Variants in OCLN observed in about 807,000 individuals in gnomAD.
OCLN encodes occludin, also known as phosphatase 1, regulatory subunit 115.
OCLN carries 21 observed loss-of-function variants against 47.9 expected under a neutral mutation model. The ratio of observed to expected loss-of-function variants is 0.44; its 90% CI spans 0.31 to 0.63. The LOEUF (loss-of-function observed/expected upper bound fraction) is 0.63, where lower values mean the gene tolerates loss of function less well. OCLN is among the 30% of genes least tolerant of loss of function. The pLI is 0.08. For synonymous variants in OCLN, 117 were observed against 198.4 expected (o/e 0.59, Z 3.45); for missense variants, 360 against 571.0 (o/e 0.63, Z 3.77).
At chr5:69,526,939 A>G (rs1028684732) in intron 4 of OCLN, among the ~76,000 whole-genome samples, 1 of 152,194 alleles carries the variant, frequency 6.6e-6, no homozygotes, top group African/African-American at 2.4e-5. Flanking sequence ...TTTGGGGTGG[A>G]GACTTAACAT....
rs1769927547 is a variant in OCLN, at chr5:69,554,714, G to A, written c.*1043G>A. On this transcript the variant is annotated 3_prime_UTR_variant, in exon 9 of 9. Transcript: ENST00000396442. ...CCTTTGGCTGTAAGAATGCTGATAT[G>A]TCTGGGAATAGAATGCTATACCACG... 6.6e-6 allele frequency: 1 copy of A among 151,734 alleles called. No homozygotes were observed. Among genetic ancestry groups the A allele is most frequent in the African/African-American group, 2.4e-5 (1 of 41,270 alleles). The allele number at this position is 151,734 out of a possible 1,614,324, so 9.4% of individuals were successfully genotyped here. A position where few individuals can be genotyped will look rare whatever the true frequency, so the allele number is the denominator to read the frequency against.
chr5:69,549,718 CTT>C (rs1769810062), intron 7 of OCLN, among the ~76,000 whole-genome samples: 1 of 151,284 alleles, frequency 6.6e-6, no homozygotes, highest in South Asian at 2.1e-4. Flanking sequence ...AGATTAATCT[CTT>C]CTTGTTTATT....
At chr5:69,525,191 A>C (rs931893516) in intron 4 of OCLN, among the ~76,000 whole-genome samples, 1 of 146,206 alleles carries the variant, frequency 6.8e-6, no homozygotes, top group Non-Finnish European at 1.5e-5. Context: ...TGCGAGCTCC[A>C]CCTCCCGGGT....
At chr5:69,514,888 G>C (rs1768885554) in intron 4 of OCLN, among the ~76,000 whole-genome samples, 1 of 152,226 alleles carries the variant, frequency 6.6e-6, no homozygotes, top group Non-Finnish European at 1.5e-5. Flanking sequence ...ATTTTTCTTA[G>C]TACAGAACAA....
intron 1 of OCLN, among the ~76,000 whole-genome samples, chr5:69,502,049 A>AT (rs1343212717): frequency 7.9e-5 from 12 of 152,184 alleles, no homozygotes; most frequent in African/African-American, 2.9e-4. Flanking sequence ...AATACAAACA[A>AT]TTAGCCGGGC....
chr5:69,496,256 G>A (rs1768286263), intron 1 of OCLN, among the ~76,000 whole-genome samples: 1 of 152,016 alleles, frequency 6.6e-6, no homozygotes, highest in Non-Finnish European at 1.5e-5. Flanking sequence ...CTGCCACCAT[G>A]CCCAGCTAAT....
intron 4 of OCLN, among the ~76,000 whole-genome samples, chr5:69,526,931 T>G (rs1364230125): frequency 6.6e-6 from 1 of 152,178 alleles, no homozygotes; most frequent in African/African-American, 2.4e-5. Flanking sequence ...ATGTTCACTT[T>G]GGGGTGGAGA....
chr5:69,514,219 C>A, intron 4 of OCLN, 110 bp downstream of exon 4: 1 of 1,011,636 alleles, frequency 9.9e-7, no homozygotes, highest in Non-Finnish European at 1.5e-6. Flanking sequence ...GTATATGTTG[C>A]AAAGGTTGTT....
intron 2 of OCLN, among the ~76,000 whole-genome samples, chr5:69,506,681 G>A (rs1269486663): frequency 1.3e-5 from 2 of 152,142 alleles, no homozygotes; most frequent in African/African-American, 4.8e-5. Flanking sequence ...AAAGATTTTA[G>A]GAGTTGTATG....
intron 3 of OCLN, among the ~76,000 whole-genome samples, chr5:69,510,859 T>G (rs926325724): frequency 1.3e-5 from 2 of 152,204 alleles, no homozygotes; most frequent in African/African-American, 4.8e-5. Flanking sequence ...CATTTTACAT[T>G]CACATCAGAA....
intron 4 of OCLN, among the ~76,000 whole-genome samples, chr5:69,522,940 C>T (rs577350969): frequency 3.1e-4 from 40 of 128,666 alleles, no homozygotes; most frequent in Admixed American, 9.0e-4. Context: ...GTCGCCCAGG[C>T]TATTCTTGAA....
chr5:69,520,895 T>C (rs989004659), intron 4 of OCLN, among the ~76,000 whole-genome samples: 5 of 152,216 alleles, frequency 3.3e-5, no homozygotes, highest in African/African-American at 1.2e-4. Flanking sequence ...TCACCCAGGC[T>C]GGAGTGCAAT....
At chr5:69,495,069 A>G (rs1380900137) in intron 1 of OCLN, among the ~76,000 whole-genome samples, 1 of 152,194 alleles carries the variant, frequency 6.6e-6, no homozygotes, top group African/African-American at 2.4e-5. Flanking sequence ...CCTTTTCAAA[A>G]TAGTATATTA....
chr5:69,495,905 CT>C (rs1233656576), intron 1 of OCLN, among the ~76,000 whole-genome samples: 1 of 152,134 alleles, frequency 6.6e-6, no homozygotes, highest in Non-Finnish European at 1.5e-5. Flanking sequence ...GATCAATGTC[CT>C]TTTTGGATTG....
In OCLN at chr5:69,553,833, C is replaced by A. The variant is rs910456392; in HGVS notation, c.*162C>A. ...ATCAGTATTGAAGCATTTTATAAAT[C>A]GCTTTTGATAATCAACTGGGCTGAA... On this transcript the variant is annotated 3_prime_UTR_variant, in exon 9 of 9. Coordinates refer to ENST00000396442, the MANE Select transcript of OCLN (RefSeq NM_001205254.2). The A allele has an allele frequency of 4.1e-6, 4 of 978,368 alleles. No homozygotes were observed. Among genetic ancestry groups the A allele is most frequent in the Non-Finnish European group, 6.1e-6 (4 of 656,194 alleles). The allele number at this position is 978,368 out of a possible 1,614,324, so 60.6% of individuals were successfully genotyped here. A position where few individuals can be genotyped will look rare whatever the true frequency, so the allele number is the denominator to read the frequency against.
At chr5:69,500,913 G>A (rs148382323) in intron 1 of OCLN, among the ~76,000 whole-genome samples, 527 of 151,960 alleles carry the variant, frequency 3.5e-3, no homozygotes, top group Non-Finnish European at 5.9e-3. Flanking sequence ...CTTAACTTCA[G>A]ATTTTCTGTT....
intron 1 of OCLN, among the ~76,000 whole-genome samples, chr5:69,494,792 G>T (rs1383055389): frequency 6.6e-6 from 1 of 152,168 alleles, no homozygotes; most frequent in Non-Finnish European, 1.5e-5. Context: ...ACTCTAAAAG[G>T]CAGGCCTTAG....
At chr5:69,516,173 C>A (rs1442135484) in intron 4 of OCLN, among the ~76,000 whole-genome samples, 3 of 151,818 alleles carry the variant, frequency 2.0e-5, no homozygotes. Context: ...TGTAGCGAGC[C>A]GAGATCACGC....
Position 69,509,603 on chromosome 5 carries a change from C to A in OCLN, c.513C>A (p.Tyr171Ter), listed in dbSNP as rs1390469424. ...CTGAAATGTCCAGAACAAGAAGATA[C>A]TACTTAAGTGTGATAATAGTGAGTG... is the stretch of plus-strand genomic sequence containing the variant. Reference protein sequence around the residue: ...IRSEMSRTRRYYLSVIIVSAI... With the variant: ...IRSEMSRTRR The change falls in exon 3 of 9, where the codon TAC becomes TAA. Residue 171 changes from tyrosine (Y) to a stop codon, truncating the protein, a stop_gained. Coordinates refer to ENST00000396442, the MANE Select transcript of OCLN (RefSeq NM_001205254.2). LOFTEE classifies it high-confidence loss of function. The A allele has an allele frequency of 6.2e-7, 1 of 1,614,162 alleles. No individual in the cohort carries two copies. Among genetic ancestry groups the A allele is most frequent in the Non-Finnish European group, 8.5e-7 (1 of 1,180,000 alleles).
Sources: allele counts gnomAD v4.1 joint callset (sites outside exome capture counted in the v4.1 genomes callset), GRCh38; gene constraint gnomAD v4.1.1; transcripts MANE v1.5; gene names NCBI Gene and HGNC (gene_info 2026-07-23, HGNC 2026-07-21).